NEXN: variants seen among roughly 807,000 people sequenced by gnomAD.
NEXN encodes the protein nexilin.
In NEXN, 65 loss-of-function variants were observed where a neutral mutation model predicts 92.6. The ratio of observed to expected loss-of-function variants is 0.70; its 90% CI spans 0.57 to 0.86. The LOEUF is 0.86. Among genes scored for constraint, NEXN ranks in the 40% least tolerant of loss-of-function variants. The probability of loss-of-function intolerance (pLI) is 0.00; values close to 1 mark genes in which losing one functional copy is unlikely to be tolerated. For synonymous variants in NEXN, 254 were observed against 242.5 expected, an observed-to-expected ratio of 1.05 and a Z score of -0.44; for missense variants, 778 against 771.1, an observed-to-expected ratio of 1.01 and a Z score of -0.11.
chr1:77,934,794 G>C (rs1426432795), intron 10 of NEXN, among the ~76,000 whole-genome samples: 1 of 152,192 alleles, frequency 6.6e-6, no homozygotes, highest in Non-Finnish European at 1.5e-5. Flanking sequence ...TCATGACTTG[G>C]ACTGGCAATG....
intron 5 of NEXN, 23 bp downstream of exon 5, chr1:77,918,296 T>C: frequency 1.2e-6 from 2 of 1,612,870 alleles, no homozygotes; most frequent in Non-Finnish European, 1.7e-6. Flanking sequence ...ATTAAGTTCG[T>C]ATTTGTTTCT....
rs1649025785 is a variant in NEXN at position 77,916,945 on chromosome 1, T to G, written c.28-621T>G. 3.3e-5 allele frequency among the ~76,000 whole-genome samples: 5 copies of G among 152,292 alleles called. No individual in the cohort carries two copies. The South Asian group carries it at 1.0e-3, about 32-fold the overall frequency. ...AATGATATAGCCTTCTTACACATTT[T>G]TAATGTGGCTTAAAGAAGTTATAGA... On this transcript the variant is annotated intron_variant, in intron 2 of 12. Coordinates refer to ENST00000334785, the MANE Select transcript of NEXN (RefSeq NM_144573.4).
At chr1:77,901,637 T>A (rs1262303096) in intron 1 of NEXN, among the ~76,000 whole-genome samples, 1 of 152,174 alleles carries the variant, frequency 6.6e-6, no homozygotes, top group Non-Finnish European at 1.5e-5. Context: ...GCTGCCCCTT[T>A]AAGGTGGCCA....
chr1:77,925,670 C>T (rs1649788143), intron 6 of NEXN, among the ~76,000 whole-genome samples: 1 of 152,032 alleles, frequency 6.6e-6, no homozygotes, highest in Admixed American at 6.6e-5. Context: ...AAGAAATGTT[C>T]AACAACCACA....
chr1:77,927,008 T>C (rs1649903855), intron 8 of NEXN, 116 bp downstream of exon 8: 16 of 1,310,780 alleles, frequency 1.2e-5, no homozygotes, highest in Non-Finnish European at 1.6e-5. Context: ...GATTTTCTAA[T>C]TGTATTCATA....
chr1:77,942,722 T>G lies in NEXN; in HGVS notation c.1921T>G (p.Leu641Val). The change falls in exon 13 of 13, where the codon TTA becomes GTA. Residue 641 changes from leucine to valine, a missense_variant. This residue lies in a region of NEXN where 532 missense variants were observed against 476.7 expected (regional missense o/e 1.12). Transcript: ENST00000334785. Reference sequence around the variant, plus strand: ...AAGGGGAGAAACTTACTGCCTTTACTTACCAGAAACTTTCCCAGAAGATGG... The same window carrying G: ...AAGGGGAGAAACTTACTGCCTTTACGTACCAGAAACTTTCCCAGAAGATGG... ...IERGETYCLY[L>V]PETFPEDGGE... 1 of 1,613,748 alleles carries G rather than the reference T, an allele frequency of 6.2e-7. No individual in the cohort carries two copies. The highest frequency in any genetic ancestry group is 8.5e-7 in the Non-Finnish European group (1 of 1,179,728).
intron 1 of NEXN, among the ~76,000 whole-genome samples, chr1:77,904,713 T>C (rs988246080): frequency 6.6e-6 from 1 of 152,188 alleles, no homozygotes; most frequent in Non-Finnish European, 1.5e-5. Context: ...AAATCATTGA[T>C]CTTAGTCATC....
intron 1 of NEXN, among the ~76,000 whole-genome samples, chr1:77,906,279 A>G (rs1648106880): frequency 6.6e-6 from 1 of 152,178 alleles, no homozygotes; most frequent in African/African-American, 2.4e-5. Context: ...TATTAGGCCC[A>G]TTTTACATAT....
At chr1:77,907,279 C>A (rs1648185931) in intron 1 of NEXN, among the ~76,000 whole-genome samples, 2 of 152,172 alleles carry the variant, frequency 1.3e-5, no homozygotes, top group African/African-American at 4.8e-5. Context: ...AACTGAAATG[C>A]ACTGTTGTTT....
chr1:77,894,753 T>C (rs538213319), intron 1 of NEXN, among the ~76,000 whole-genome samples: 3 of 152,074 alleles, frequency 2.0e-5, no homozygotes, highest in Non-Finnish European at 4.4e-5. Flanking sequence ...TCTTGCTCTG[T>C]AGCCCAGGCT....
rs772833406 is a variant in NEXN, at chr1:77,942,712, C to T, written c.1911C>T (p.Tyr637=). The change falls in exon 13 of 13, where the codon TAC becomes TAT. Residue 637 remains tyrosine (Y), a synonymous_variant. Coordinates refer to ENST00000334785, the MANE Select transcript of NEXN (RefSeq NM_144573.4). ...AATATATTGAAAGGGGAGAAACTTA[C>T]TGCCTTTACTTACCAGAAACTTTCC... is the stretch of plus-strand genomic sequence containing the variant. ...DYQYIERGET[Y]CLYLPETFPE... 1.2e-6 allele frequency: 2 copies of T among 1,613,780 alleles called. No individual in the cohort carries two copies. Among genetic ancestry groups the T allele is most frequent in the South Asian group, 2.2e-5 (2 of 91,062 alleles).
chr1:77,906,756 G>C (rs1252927845), intron 1 of NEXN, among the ~76,000 whole-genome samples: 1 of 152,068 alleles, frequency 6.6e-6, no homozygotes, highest in African/African-American at 2.4e-5. Flanking sequence ...ATGGGCTCAA[G>C]TGATCCTCTT....
chr1:77,926,881 A>G lies in NEXN; in HGVS notation c.853A>G (p.Arg285Gly). 1 of 1,613,960 alleles carries G rather than the reference A, an allele frequency of 6.2e-7. No homozygotes were observed. Among genetic ancestry groups the G allele is most frequent in the East Asian group, 2.2e-5 (1 of 44,850 alleles). ...AGAGAAGCGTGCTTTTGAAGAAGCA[A>G]GGCGGCAAATGGTAAATCTACATAT... is the stretch of plus-strand genomic sequence containing the variant. ...EEEKRAFEEARRQMVNEDEEN... is the reference protein window; with the variant it reads ...EEEKRAFEEAGRQMVNEDEEN... Residue 285 changes from arginine (R) to glycine (G), a missense_variant, in exon 8 of 13, where the codon AGG (arginine) becomes GGG (glycine). Arg to Gly is a moderately radical substitution (Grantham distance 125, BLOSUM62 -2). Transcript: ENST00000334785.
intron 11 of NEXN, among the ~76,000 whole-genome samples, chr1:77,936,759 TATA>T (rs1260967429): frequency 3.9e-5 from 6 of 152,248 alleles, no homozygotes; most frequent in Non-Finnish European, 8.8e-5. Flanking sequence ...ATTGCCATCC[TATA>T]ATATTTAACA....
Position 77,925,237 on chromosome 1 carries a change from G to A in NEXN, c.489+8G>A, listed in dbSNP as rs753096414. On this transcript the variant is annotated splice_region_variant and intron_variant, in intron 6 of 12. Transcript: ENST00000334785. ...ACTGAATCAGCATCAGAGGTAAACA[G>A]ACATTTCCTTTAATGAAACATTCAC... The A allele has an allele frequency of 6.3e-7, 1 of 1,586,634 alleles. No homozygotes were observed. The highest frequency in any genetic ancestry group is 8.6e-7 in the Non-Finnish European group (1 of 1,157,238).
intron 9 of NEXN, among the ~76,000 whole-genome samples, chr1:77,931,275 G>A (rs1469931813): frequency 2.0e-5 from 3 of 149,306 alleles, no homozygotes; most frequent in East Asian, 1.9e-4. Flanking sequence ...TTAGCCGGGC[G>A]TGTTGGCGGG....
chr1:77,895,752 C>G (rs1647222950), intron 1 of NEXN, among the ~76,000 whole-genome samples: 1 of 152,124 alleles, frequency 6.6e-6, no homozygotes, highest in African/African-American at 2.4e-5. Context: ...GTAATCCCAG[C>G]TACTTAGGAG....
At chr1:77,925,079 A>G in intron 5 of NEXN, 109 bp from the exon 6 acceptor site, 1 of 715,178 alleles carries the variant, frequency 1.4e-6, no homozygotes, top group Non-Finnish European at 2.4e-6. Flanking sequence ...AAAAATTATA[A>G]ATTTGAAAAT....
At chr1:77,923,850 C>G (rs1240952049) in intron 5 of NEXN, among the ~76,000 whole-genome samples, 2 of 151,506 alleles carry the variant, frequency 1.3e-5, no homozygotes, top group African/African-American at 4.8e-5. Context: ...GCTAATTTTT[C>G]TATTTTTAGT....
Sources: gnomAD v4.1 joint callset for allele counts (sites outside exome capture counted in the v4.1 genomes callset) on GRCh38, gnomAD v4.1.1 for gene constraint, gnomAD v4.1.1 regional missense constraint, MANE v1.5 for transcripts, NCBI Gene and HGNC (gene_info 2026-07-23, HGNC 2026-07-21) for gene names.